GAB2: variants seen among roughly 807,000 people sequenced by gnomAD.
GAB2 encodes GRB2 associated binding protein 2, also known as GRB2-associated-binding protein 2.
In GAB2, 26 loss-of-function variants were observed where a neutral mutation model predicts 65.5. The observed-to-expected ratio is 0.40, with a 90% CI of 0.29 to 0.55. The LOEUF (loss-of-function observed/expected upper bound fraction) is 0.55. Ranked by LOEUF, GAB2 falls within the 20% of genes least tolerant of loss-of-function variation. GAB2 has a pLI of 0.53. For missense variants in GAB2, 884 were observed against 875.8 expected, an observed-to-expected ratio of 1.01 and a Z score of -0.12; for synonymous variants, 321 against 329.6, an observed-to-expected ratio of 0.97 and a Z score of 0.28.
At chr11:78,238,056 GAGA>G in intron 3 of GAB2, among the ~76,000 whole-genome samples, 1 of 152,234 alleles carries the variant, frequency 6.6e-6, no homozygotes, top group South Asian at 2.1e-4. Flanking sequence ...GGAGAACATC[GAGA>G]AGAATAGCTA....
intron 1 of GAB2, among the ~76,000 whole-genome samples, chr11:78,388,545 C>A (rs1856796787): frequency 6.6e-6 from 1 of 151,952 alleles, no homozygotes; most frequent in African/African-American, 2.4e-5. Flanking sequence ...CTAGGCTGAT[C>A]TCGAACTCGT....
Position 78,218,953 on chromosome 11 carries a change from C to G in GAB2, c.*319G>C, listed in dbSNP as rs1177097851. The stretch of plus-strand genomic sequence containing the variant: ...AGCCCCAGCCCTTCCCTCCAAACAT[C>G]TGGTAGAGAGTCAGGTCTAAAGGAC... On this transcript the variant is annotated 3_prime_UTR_variant, in exon 10 of 10. Transcript: ENST00000361507. The G allele has an allele frequency of 2.7e-5, 7 of 256,304 alleles. No homozygotes were observed. The highest frequency in any genetic ancestry group is 5.2e-5 in the Non-Finnish European group (7 of 134,258). 15.9% of individuals were successfully genotyped at this position (256,304 alleles called of 1,614,324 possible). A position where few individuals can be genotyped will look rare whatever the true frequency, so the allele number is the denominator to read the frequency against.
At chr11:78,403,848 G>A (rs985119528) in intron 1 of GAB2, among the ~76,000 whole-genome samples, 1 of 152,046 alleles carries the variant, frequency 6.6e-6, no homozygotes, top group Non-Finnish European at 1.5e-5. Context: ...TCTGACAAGG[G>A]ATTAATAACT....
rs193122195 is a variant in GAB2, at chr11:78,265,090, C to T, written c.377-14690G>A. On this transcript the variant is annotated intron_variant, in intron 2 of 9. Coordinates refer to ENST00000361507, the MANE Select transcript of GAB2 (RefSeq NM_080491.3). The stretch of plus-strand genomic sequence containing the variant: ...TTTTACTGATGCAGAAGTTGAAGCT[C>T]AAAAAATTAAATTTACTTATCCAAG... 1.9e-3 allele frequency among the ~76,000 whole-genome samples: 296 copies of T among 151,796 alleles called. 2 individuals are homozygous for T. Among genetic ancestry groups the T allele is most frequent in the Non-Finnish European group, 2.5e-3 (172 of 67,912 alleles).
chr11:78,283,268 C>G (rs1180400815), intron 1 of GAB2, among the ~76,000 whole-genome samples: 5 of 152,186 alleles, frequency 3.3e-5, no homozygotes, highest in African/African-American at 1.2e-4. Context: ...TAGCTGTGAG[C>G]TCTGTTACTA....
chr11:78,231,336 G>GGTTTGTGTGT (rs1554975139), intron 3 of GAB2, among the ~76,000 whole-genome samples: 1 of 145,796 alleles, frequency 6.9e-6, no homozygotes, highest in Non-Finnish European at 1.5e-5. Flanking sequence ...GCGCGTGTGT[G>GGTTTGTGTGT]GTGTGTGTGT....
intron 3 of GAB2, among the ~76,000 whole-genome samples, chr11:78,227,630 C>CAAA (rs1864714605): frequency 1.2e-5 from 1 of 86,334 alleles, no homozygotes; most frequent in African/African-American, 6.1e-5. Context: ...TCCATTGCCA[C>CAAA]CAAAAAAAAA....
In GAB2 at chr11:78,397,207, C is replaced by T. The variant is rs1312117963; in HGVS notation, c.75+20439G>A. ...ACAAACAAACAAAAAAAACCCAAAACCAAATCACATTTTCAATTCAATTCC... is the reference window on the plus strand; with the variant it reads ...ACAAACAAACAAAAAAAACCCAAAATCAAATCACATTTTCAATTCAATTCC... On this transcript the variant is annotated intron_variant, in intron 1 of 9. Coordinates refer to ENST00000361507, the MANE Select transcript of GAB2 (RefSeq NM_080491.3). Among the ~76,000 whole-genome samples, 5 of 152,230 alleles carry T rather than the reference C, an allele frequency of 3.3e-5. No homozygotes were observed. The South Asian group carries it at 1.0e-3, about 32-fold the overall frequency.
chr11:78,234,652 A>G (rs1864937614), intron 3 of GAB2, among the ~76,000 whole-genome samples: 1 of 150,016 alleles, frequency 6.7e-6, no homozygotes, highest in Non-Finnish European at 1.5e-5. Flanking sequence ...ATGTATTTAT[A>G]TATATTTCTC....
Position 78,346,709 on chromosome 11 carries a change from AT to A in GAB2, c.76-65809del, listed in dbSNP as rs1565168232. On this transcript the variant is annotated intron_variant, in intron 1 of 9. Coordinates refer to ENST00000361507, the MANE Select transcript of GAB2 (RefSeq NM_080491.3). ...TATATATATATATATATATATATATATATATATATATAATTTTTTTTTTTTT... is the reference window on the plus strand; with the variant it reads ...TATATATATATATATATATATATATAATATATATATAATTTTTTTTTTTTT... 4.3e-4 allele frequency among the ~76,000 whole-genome samples: 31 copies of A among 71,652 alleles called. 1 individual carries two copies. Among genetic ancestry groups the A allele is most frequent in the East Asian group, 1.9e-3 (5 of 2,642 alleles). 47.0% of individuals were successfully genotyped at this position (71,652 alleles called of 152,430 possible).
intron 1 of GAB2, among the ~76,000 whole-genome samples, chr11:78,415,352 T>C (rs1394701915): frequency 3.9e-5 from 6 of 152,194 alleles, no homozygotes; most frequent in Non-Finnish European, 1.5e-5. Context: ...TATACAGCCA[T>C]GGGGCTGGGA....
intron 3 of GAB2, among the ~76,000 whole-genome samples, chr11:78,231,521 T>C (rs961977694): frequency 9.2e-5 from 14 of 152,130 alleles, no homozygotes; most frequent in Admixed American, 5.9e-4. Context: ...GGCTAATTTT[T>C]GTATATTTAG....
In GAB2 at chr11:78,322,337, T is replaced by A. The variant is rs1855742512; in HGVS notation, c.76-41436A>T. On this transcript the variant is annotated intron_variant, in intron 1 of 9. Transcript: ENST00000361507. Reference sequence around the variant, plus strand: ...AAAAAAAAAAAAAAAAAGTAAGATCTCAAACTATAAAAATCCTAGAATAAA... The same window carrying A: ...AAAAAAAAAAAAAAAAAGTAAGATCACAAACTATAAAAATCCTAGAATAAA... Among the ~76,000 whole-genome samples the A allele has an allele frequency of 7.5e-5, 8 of 106,894 alleles. No homozygotes were observed. The South Asian group carries it at 1.4e-3, about 19-fold the overall frequency. The allele number at this position is 106,894 out of a possible 152,430, so 70.1% of individuals were successfully genotyped here.
intron 1 of GAB2, among the ~76,000 whole-genome samples, chr11:78,416,993 G>T (rs750582238): frequency 6.6e-6 from 1 of 150,908 alleles, no homozygotes; most frequent in Non-Finnish European, 1.5e-5. Context: ...CCAGCCACGG[G>T]GACCAAACTG....
At chr11:78,353,526 C>G (rs190190259) in intron 1 of GAB2, among the ~76,000 whole-genome samples, 35 of 152,282 alleles carry the variant, frequency 2.3e-4, no homozygotes, top group Non-Finnish European at 4.1e-4. Flanking sequence ...ATGATAAAAT[C>G]TGAGGACCAC....
chr11:78,225,357 C>T (rs140227510), intron 4 of GAB2, among the ~76,000 whole-genome samples, 155 bp from the exon 5 acceptor site: 16 of 152,340 alleles, frequency 1.1e-4, no homozygotes, highest in Non-Finnish European at 1.6e-4. Context: ...ACACATCACT[C>T]CTCAGTTCAA....
At chr11:78,298,029 C>T (rs1199347875) in intron 1 of GAB2, among the ~76,000 whole-genome samples, 3 of 152,096 alleles carry the variant, frequency 2.0e-5, no homozygotes, top group Admixed American at 2.0e-4. Context: ...GTAAACAGAA[C>T]ATGAGAGCTG....
chr11:78,286,539 T>A (rs1866489120), intron 1 of GAB2, among the ~76,000 whole-genome samples: 2 of 152,178 alleles, frequency 1.3e-5, no homozygotes, highest in Non-Finnish European at 2.9e-5. Flanking sequence ...AAAAACTACA[T>A]GGCAGAGTGC....
Position 78,344,573 on chromosome 11 carries a change from T to C in GAB2, c.76-63672A>G, listed in dbSNP as rs187702137. 9.9e-4 allele frequency among the ~76,000 whole-genome samples: 151 copies of C among 152,338 alleles called. 1 individual carries two copies. Among genetic ancestry groups the C allele is most frequent in the South Asian group, 8.5e-3 (41 of 4,830 alleles). On this transcript the variant is annotated intron_variant, in intron 1 of 9. Transcript: ENST00000361507. ...CAAATTATGAAACTCAGCTATGCTG[T>C]GAATATTTACATGACTATAGTGTTG...
Sources: allele counts gnomAD v4.1 joint callset (sites outside exome capture counted in the v4.1 genomes callset), GRCh38; gene constraint gnomAD v4.1.1; transcripts MANE v1.5; gene names NCBI Gene and HGNC (gene_info 2026-07-23, HGNC 2026-07-21).